Variants in MEI1 observed in about 807,000 individuals in gnomAD.
MEI1 encodes meiosis inhibitor protein 1.
MEI1 carries 103 observed loss-of-function variants against 146.2 expected under a neutral mutation model. That is an observed-to-expected ratio of 0.70 (90% CI 0.60 to 0.83). The LOEUF (loss-of-function observed/expected upper bound fraction) is 0.83, where lower values mean the gene tolerates loss of function less well. Among genes scored for constraint, MEI1 ranks in the 40% least tolerant of loss-of-function variants. The pLI is 0.00. For synonymous variants in MEI1, 652 were observed against 628.2 expected (o/e 1.04, Z -0.57); for missense variants, 1,529 against 1,533.0 (o/e 1.00, Z 0.04).
intron 27 of MEI1, 167 bp downstream of exon 27, chr22:41,794,077 A>T: frequency 1.4e-6 from 1 of 704,286 alleles, no homozygotes; most frequent in Non-Finnish European, 2.4e-6. Flanking sequence ...TACAGATGGG[A>T]TCAATAAGGT....
At chr22:41,734,064 G>T (rs1031899415) in intron 11 of MEI1, among the ~76,000 whole-genome samples, 1 of 151,900 alleles carries the variant, frequency 6.6e-6, no homozygotes, top group Non-Finnish European at 1.5e-5. Context: ...GGAGGCGGAG[G>T]TTGCAGTGAG....
intron 11 of MEI1, among the ~76,000 whole-genome samples, chr22:41,737,239 A>G (rs2072452485): frequency 6.6e-6 from 1 of 151,734 alleles, no homozygotes; most frequent in South Asian, 2.1e-4. Context: ...GTTATTGTTT[A>G]TTCTTTTTTT....
rs200227162 is a variant in MEI1 at position 41,795,817 on chromosome 22, C to T, written c.3749C>T (p.Ser1250Phe). 1.9e-4 allele frequency: 314 copies of T among 1,613,748 alleles called. 1 individual carries two copies. In the African/African-American group the frequency reaches 4.0e-3, roughly 21 times the overall value. The part of the protein sequence containing the change: ...ASLEGLPPST[S>F]SGQPPLQDML... ...TTGGAGGGCCTTCCCCCTAGCACCT[C>T]CTCAGGCCAGCCACCCCTGCAGGAC... Residue 1250 changes from serine (S) to phenylalanine (F), a missense_variant, in exon 30 of 31, where the codon TCC becomes TTC. Transcript: ENST00000401548. This position sits in a 1 kb window ranked among gnomAD's most constrained non-coding sequence, Gnocchi z 4.2.
intron 30 of MEI1, 36 bp from the exon 31 acceptor site, chr22:41,799,218 C>T: frequency 2.5e-6 from 4 of 1,611,210 alleles, no homozygotes; most frequent in Middle Eastern, 1.7e-4. Context: ...GTTGGCCCCA[C>T]TTCTCTGCTG....
intron 8 of MEI1, 132 bp from the exon 9 acceptor site, chr22:41,730,389 T>C: frequency 1.6e-6 from 1 of 634,880 alleles, no homozygotes; most frequent in Non-Finnish European, 2.9e-6. Context: ...TGATCATGAC[T>C]CATGGAGAGG....
chr22:41,713,990 G>C lies in MEI1; in HGVS notation c.350-12G>C. The C allele has an allele frequency of 1.3e-6, 2 of 1,574,848 alleles. No individual in the cohort carries two copies. The highest frequency in any genetic ancestry group is 1.7e-6 in the Non-Finnish European group (2 of 1,159,752). The stretch of plus-strand genomic sequence containing the variant: ...GTGCCTCCTGGTTAGTAATACTGTT[G>C]TGTCTGTTCAGTCCTTATTCAGATC... On this transcript the variant is annotated splice_polypyrimidine_tract_variant and intron_variant, in intron 3 of 30. Coordinates refer to ENST00000401548, the MANE Select transcript of MEI1 (RefSeq NM_152513.4).
chr22:41,793,228 G>A (rs1019822306), intron 26 of MEI1, among the ~76,000 whole-genome samples: 1 of 151,404 alleles, frequency 6.6e-6, no homozygotes, highest in African/African-American at 2.4e-5. Flanking sequence ...AGTAGAGATG[G>A]GGTTTCATCA....
chr22:41,750,989 A>G (rs1323275828), intron 15 of MEI1, among the ~76,000 whole-genome samples: 1 of 151,866 alleles, frequency 6.6e-6, no homozygotes, highest in African/African-American at 2.4e-5. Flanking sequence ...GTGGTGGGGA[A>G]TAGGGGATGT....
intron 4 of MEI1, among the ~76,000 whole-genome samples, chr22:41,714,790 G>T (rs953207832): frequency 1.3e-5 from 2 of 152,034 alleles, no homozygotes; most frequent in East Asian, 3.9e-4. Flanking sequence ...CTGAGGCAGG[G>T]GAATTGCATG....
chr22:41,788,062 G>T (rs771434855), intron 26 of MEI1, among the ~76,000 whole-genome samples: 3 of 152,080 alleles, frequency 2.0e-5, no homozygotes, highest in East Asian at 3.8e-4. Context: ...ATGGAGTCTC[G>T]CTCTGTCACC....
At chr22:41,746,478 G>A (rs2073296178) in intron 14 of MEI1, among the ~76,000 whole-genome samples, 2 of 152,180 alleles carry the variant, frequency 1.3e-5, no homozygotes, top group African/African-American at 4.8e-5. Flanking sequence ...AGCAGTGAAT[G>A]TCTGTGATCC....
At chr22:41,764,337 CTAAT>C (rs1436737071) in intron 19 of MEI1, among the ~76,000 whole-genome samples, 1 of 152,138 alleles carries the variant, frequency 6.6e-6, no homozygotes, top group Admixed American at 6.5e-5. Flanking sequence ...TTTGTAATCC[CTAAT>C]TAATTAGTGG....
At chr22:41,784,871 G>C (rs1190988632) in intron 26 of MEI1, 88 bp downstream of exon 26, 2 of 897,588 alleles carry the variant, frequency 2.2e-6, no homozygotes, top group Non-Finnish European at 3.0e-6. Context: ...ACTCCTACCA[G>C]GGCTTGGAGG....
chr22:41,759,946 G>A (rs556181873), intron 18 of MEI1, among the ~76,000 whole-genome samples: 1 of 152,246 alleles, frequency 6.6e-6, no homozygotes, highest in South Asian at 2.1e-4. Flanking sequence ...GGCCGAGGCG[G>A]GTGGATCACC....
intron 11 of MEI1, among the ~76,000 whole-genome samples, chr22:41,738,519 G>A (rs2072579700): frequency 1.3e-5 from 2 of 152,106 alleles, no homozygotes; most frequent in South Asian, 2.1e-4. Flanking sequence ...CCTGGGAGGC[G>A]GAGGTTGCAG....
At chr22:41,760,023 A>T (rs1231615876) in intron 18 of MEI1, among the ~76,000 whole-genome samples, 2 of 150,820 alleles carry the variant, frequency 1.3e-5, no homozygotes, top group Non-Finnish European at 3.0e-5. Context: ...AAAATACAAA[A>T]ATCAGGCCGG....
In MEI1 at chr22:41,781,742, C is replaced by T; in HGVS notation, c.2984C>T (p.Ala995Val). The change falls in exon 24 of 31, where the codon GCC becomes GTC. Residue 995 changes from alanine to valine, a missense_variant. Transcript: ENST00000401548. ...ATGGAGCTTCTGGAGAAGATGCTGG[C>T]CCTCACCTTGGCAAAGGCAGATTCT... ...GLMELLEKML[A>V]LTLAKADSPR... 6.2e-7 allele frequency: 1 copy of T among 1,613,892 alleles called. No homozygotes were observed. The highest frequency in any genetic ancestry group is 8.5e-7 in the Non-Finnish European group (1 of 1,179,896).
intron 3 of MEI1, among the ~76,000 whole-genome samples, chr22:41,712,672 ATGTGTGTGTGTG>A (rs140926503): frequency 4.1e-5 from 6 of 147,002 alleles, no homozygotes; most frequent in African/African-American, 1.2e-4. Flanking sequence ...ATAGAAATAG[ATGTGTGTGTGTG>A]TGTGTGTGTG....
chr22:41,763,201 G>A lies in MEI1; in HGVS notation c.2148G>A (p.Glu716=), dbSNP rs2074615243. The change falls in exon 19 of 31, where the codon GAG becomes GAA. Residue 716 remains glutamate (E), a synonymous_variant. Coordinates refer to ENST00000401548, the MANE Select transcript of MEI1 (RefSeq NM_152513.4). ...DRFVSEAELF[E]AVQSFLLSLQ... Reference sequence around the variant, plus strand: ...TTGTCTCAGAGGCAGAGTTATTTGAGGCTGTGCAAAGCTTCCTCCTGTCGC... The same window carrying A: ...TTGTCTCAGAGGCAGAGTTATTTGAAGCTGTGCAAAGCTTCCTCCTGTCGC... The A allele has an allele frequency of 1.9e-6, 3 of 1,613,966 alleles. No individual in the cohort carries two copies. The East Asian group carries it at 6.7e-5, about 36-fold the overall frequency.
Sources: gnomAD v4.1 joint callset for allele counts (sites outside exome capture counted in the v4.1 genomes callset) on GRCh38, gnomAD v4.1.1 for gene constraint, Gnocchi (gnomAD v3.1) non-coding constraint, MANE v1.5 for transcripts, NCBI Gene and HGNC (gene_info 2026-07-23, HGNC 2026-07-21) for gene names.